NUDT21: variants seen among roughly 807,000 people sequenced by gnomAD.
The protein encoded by NUDT21 is nudix hydrolase 21, also known as cleavage and polyadenylation specificity factor subunit 5.
Under a neutral mutation model 29.8 loss-of-function variants are expected in NUDT21, and 5 were observed. The observed-to-expected ratio is 0.17, with a 90% CI of 0.09 to 0.35. The LOEUF (loss-of-function observed/expected upper bound fraction) is 0.35, where lower values mean the gene tolerates loss of function less well. NUDT21 is among the 10% of genes least tolerant of loss of function. The pLI is 1.00. For missense variants in NUDT21, 76 were observed against 276.0 expected, an observed-to-expected ratio of 0.28 and a Z score of 5.13; for synonymous variants, 113 against 98.5, an observed-to-expected ratio of 1.15 and a Z score of -0.87.
chr16:56,437,022 A>T (rs545017051), intron 4 of NUDT21, among the ~76,000 whole-genome samples: 3 of 152,214 alleles, frequency 2.0e-5, no homozygotes, highest in Non-Finnish European at 2.9e-5. Flanking sequence ...GCCAAAAAAA[A>T]GTTTAGAATA....
Position 56,434,808 on chromosome 16 carries a change from T to C in NUDT21, c.493A>G (p.Ile165Val), listed in dbSNP as rs1490755706. 1 of 1,592,354 alleles carries C rather than the reference T, an allele frequency of 6.3e-7. No individual in the cohort carries two copies. The highest frequency in any genetic ancestry group is 8.6e-7 in the Non-Finnish European group (1 of 1,161,648). ...TTCTTATGTTCCTTAGGCTTTGTAA[T>C]ATGTGCAGGAATATATGGATACTGA... ...PPQYPYIPAH[I>V]TKPKEHKKLF... Residue 165 changes from isoleucine to valine, a missense_variant, in exon 5 of 7, where the codon ATT becomes GTT. Around this residue, in one of 5 missense-constraint regions of NUDT21, gnomAD observed 13 missense variants for 16.6 expected, o/e 0.79. Coordinates refer to ENST00000300291, the MANE Select transcript of NUDT21 (RefSeq NM_007006.3).
rs200483379 is a variant in NUDT21 at position 56,451,155 on chromosome 16, C to T, written c.48G>A (p.Gly16=). 3.7e-6 allele frequency: 6 copies of T among 1,613,166 alleles called. No homozygotes were observed. Among genetic ancestry groups the T allele is most frequent in the East Asian group, 4.5e-5 (2 of 44,842 alleles). ...PNRSQTGWPR[G]VTQFGNKYIQ... ...TGTACTTGTTGCCGAACTGAGTGAC[C>T]CCCCGGGGCCAGCCGGTCTGCGAGC... The change falls in exon 1 of 7, where the codon GGG becomes GGA. Residue 16 remains glycine, a synonymous_variant. Coordinates refer to ENST00000300291, the MANE Select transcript of NUDT21 (RefSeq NM_007006.3).
intron 1 of NUDT21, among the ~76,000 whole-genome samples, chr16:56,448,435 T>C (rs1042769460): frequency 7.9e-5 from 12 of 152,230 alleles, no homozygotes; most frequent in South Asian, 4.1e-4. Context: ...CCACCGTTTT[T>C]CATCAACATC....
intron 4 of NUDT21, among the ~76,000 whole-genome samples, chr16:56,438,722 T>C (rs1481155655): frequency 2.0e-5 from 3 of 151,550 alleles, no homozygotes; most frequent in African/African-American, 7.3e-5. Flanking sequence ...AACAGCTACA[T>C]ATTCAACAAC....
At position 56,431,311 on chromosome 16, in the gene NUDT21, T is replaced by C. The variant is rs1962031210; in HGVS notation, c.*1401A>G. The C allele has an allele frequency of 6.6e-6, 1 of 152,220 alleles. No homozygotes were observed. The highest frequency in any genetic ancestry group is 1.5e-5 in the Non-Finnish European group (1 of 68,052). 9.4% of individuals were successfully genotyped at this position (152,220 alleles called of 1,614,324 possible). ...TTTTTCAAAGGAAACTGGGGCATTT[T>C]TGATCATGGAGACTGGTGCTCACCT... On this transcript the variant is annotated 3_prime_UTR_variant, in exon 7 of 7. Coordinates refer to ENST00000300291, the MANE Select transcript of NUDT21 (RefSeq NM_007006.3).
At chr16:56,446,770 C>G in intron 2 of NUDT21, 81 bp from the exon 3 acceptor site, 1 of 836,692 alleles carries the variant, frequency 1.2e-6, no homozygotes, top group South Asian at 1.6e-5. Context: ...TTATTTCTAC[C>G]AAGTCACTAA....
chr16:56,450,207 CG>C lies in NUDT21; in HGVS notation c.116+879del, dbSNP rs112910794. Among the ~76,000 whole-genome samples, 729 of 152,258 alleles carry C rather than the reference CG, an allele frequency of 4.8e-3. 11 individuals carry two copies. The highest frequency in any genetic ancestry group is 0.016 in the African/African-American group (668 of 41,532). On this transcript the variant is annotated intron_variant, in intron 1 of 6. Coordinates refer to ENST00000300291, the MANE Select transcript of NUDT21 (RefSeq NM_007006.3). ...ATCCTGGCATAAAATGGAGGCACCG[CG>C]TTGCCTCGAAAACAAATCCTCAGAA...
intron 6 of NUDT21, among the ~76,000 whole-genome samples, chr16:56,433,123 A>G (rs982431052): frequency 6.6e-6 from 1 of 152,186 alleles, no homozygotes; most frequent in Non-Finnish European, 1.5e-5. Flanking sequence ...ATGCATTTCA[A>G]CTTGTAACCT....
intron 1 of NUDT21, among the ~76,000 whole-genome samples, chr16:56,449,451 G>C (rs1248192965): frequency 6.6e-6 from 1 of 152,086 alleles, no homozygotes; most frequent in Non-Finnish European, 1.5e-5. Context: ...TGGGGGAGAG[G>C]GCATTTGTTT....
At chr16:56,435,514 C>A (rs1320742359) in intron 4 of NUDT21, among the ~76,000 whole-genome samples, 1 of 150,674 alleles carries the variant, frequency 6.6e-6, no homozygotes, top group Non-Finnish European at 1.5e-5. Flanking sequence ...ATCATGAGGT[C>A]AGGAGATCAA....
intron 3 of NUDT21, among the ~76,000 whole-genome samples, chr16:56,443,301 C>T (rs981503076): frequency 3.3e-5 from 5 of 151,962 alleles, no homozygotes; most frequent in South Asian, 2.1e-4. Flanking sequence ...CTCAGCCTCC[C>T]GAGTAGCTGG....
chr16:56,439,162 G>A (rs891034048), intron 4 of NUDT21: 3 of 154,948 alleles, frequency 1.9e-5, no homozygotes, highest in Non-Finnish European at 2.9e-5. Context: ...CTCTTCTTTT[G>A]TATTTGTTCT....
At chr16:56,442,406 T>C (rs1962170327) in intron 3 of NUDT21, among the ~76,000 whole-genome samples, 1 of 152,208 alleles carries the variant, frequency 6.6e-6, no homozygotes, top group Non-Finnish European at 1.5e-5. Flanking sequence ...AGGACAGAGA[T>C]TATATTCTCT....
intron 4 of NUDT21, among the ~76,000 whole-genome samples, chr16:56,437,136 C>T (rs183837313): frequency 1.3e-5 from 2 of 152,094 alleles, no homozygotes; most frequent in Non-Finnish European, 2.9e-5. Context: ...TAGTGAACAC[C>T]AGCATCAGCT....
At chr16:56,444,767 G>A (rs1962200103) in intron 3 of NUDT21, among the ~76,000 whole-genome samples, 1 of 152,092 alleles carries the variant, frequency 6.6e-6, no homozygotes, top group African/African-American at 2.4e-5. Flanking sequence ...AATTACTACA[G>A]AGAATCATCA....
rs73547653 is a variant in NUDT21, at chr16:56,444,843, T to A, written c.381+1783A>T. On this transcript the variant is annotated intron_variant, in intron 3 of 6. Transcript: ENST00000300291. ...GATACACAGGTTGAACATCCCAATC[T>A]GAAACTCCAAAATCTCAAACTTTTT... Among the ~76,000 whole-genome samples the A allele has an allele frequency of 2.3e-3, 353 of 152,250 alleles. 2 individuals are homozygous for A. The highest frequency in any genetic ancestry group is 7.9e-3 in the African/African-American group (330 of 41,552).
chr16:56,433,681 T>C (rs1374337019), intron 6 of NUDT21, among the ~76,000 whole-genome samples: 2 of 152,314 alleles, frequency 1.3e-5, no homozygotes, highest in African/African-American at 4.8e-5. Context: ...AGATATTCGA[T>C]TTGCCACCTT....
chr16:56,441,706 C>A (rs1962161697), intron 3 of NUDT21, among the ~76,000 whole-genome samples: 1 of 152,222 alleles, frequency 6.6e-6, no homozygotes, highest in Non-Finnish European at 1.5e-5. Flanking sequence ...TCCGGTAGAT[C>A]AGTCACAACA....
At chr16:56,439,097 GCTAA>G (rs775927567) in intron 4 of NUDT21, 3 of 153,066 alleles carry the variant, frequency 2.0e-5, no homozygotes, top group Non-Finnish European at 4.4e-5. Flanking sequence ...GTTGTGATGT[GCTAA>G]CTGTTAAAGG....
Sources: allele counts gnomAD v4.1 joint callset (sites outside exome capture counted in the v4.1 genomes callset), GRCh38; gene constraint gnomAD v4.1.1; regional missense constraint gnomAD v4.1.1; transcripts MANE v1.5; gene names NCBI Gene and HGNC (gene_info 2026-07-23, HGNC 2026-07-21).